The following COL5A1 variants were observed in gnomAD, a reference collection of about 807,000 sequenced individuals.
COL5A1 encodes the protein collagen alpha-1(V) chain.
A neutral mutation model predicts 263.7 loss-of-function variants in COL5A1; 16 were observed. The observed-to-expected ratio is 0.06, with a 90% confidence interval of 0.04 to 0.09. The LOEUF is 0.09. Among genes scored for constraint, COL5A1 ranks in the 10% least tolerant of loss-of-function variants. COL5A1 has a pLI of 1.00. For missense variants in COL5A1, 2,036 were observed against 2,540.5 expected, an observed-to-expected ratio of 0.80 and a Z score of 4.27; for synonymous variants, 1,012 against 1,004.5, an observed-to-expected ratio of 1.01 and a Z score of -0.14.
chr9:134,760,171 GCA>G (rs1338468695), intron 18 of COL5A1, among the ~76,000 whole-genome samples: 5 of 75,676 alleles, frequency 6.6e-5, no homozygotes, highest in African/African-American at 1.5e-4. Flanking sequence ...ACACATACAT[GCA>G]CACACACATA....
intron 32 of COL5A1, among the ~76,000 whole-genome samples, chr9:134,791,939 G>C (rs1394188158): frequency 3.3e-5 from 5 of 152,194 alleles, no homozygotes; most frequent in African/African-American, 9.7e-5. Flanking sequence ...TGATGATGAA[G>C]GACAAGGGTG....
chr9:134,685,007 A>C (rs1193626099), intron 1 of COL5A1, among the ~76,000 whole-genome samples: 42 of 71,422 alleles, frequency 5.9e-4, no homozygotes, highest in Admixed American at 1.0e-3. Flanking sequence ...TCCATCCATT[A>C]ATTGATCCAT....
chr9:134,739,608 C>G (rs1835228156), intron 11 of COL5A1, among the ~76,000 whole-genome samples: 1 of 152,210 alleles, frequency 6.6e-6, no homozygotes, highest in Non-Finnish European at 1.5e-5. Context: ...AGCGCAGTGG[C>G]TAGGGATGCT....
Position 134,684,252 on chromosome 9 carries a change from C to T in COL5A1, c.110-6660C>T, listed in dbSNP as rs372464523. On this transcript the variant is annotated intron_variant, in intron 1 of 65. Transcript: ENST00000371817. The stretch of plus-strand genomic sequence containing the variant: ...ACGACCAGGAACTGATTTAAGTTCC[C>T]GCTAAAAGCAGCCATCTCATTCCAT... 8.9e-4 allele frequency among the ~76,000 whole-genome samples: 135 copies of T among 152,268 alleles called. 1 individual carries two copies. In the East Asian group the frequency reaches 9.5e-3, roughly 11 times the overall value.
chr9:134,756,694 A>G, intron 16 of COL5A1, 71 bp from the exon 17 acceptor site: 1 of 1,527,536 alleles, frequency 6.5e-7, no homozygotes, highest in Non-Finnish European at 9.1e-7. Context: ...GGTTTAACGG[A>G]AAACCATGGC....
chr9:134,739,360 G>C (rs746774899), intron 11 of COL5A1, among the ~76,000 whole-genome samples: 1 of 152,254 alleles, frequency 6.6e-6, no homozygotes, highest in African/African-American at 2.4e-5. Context: ...CCGGCGGGGC[G>C]GGAGTTTTCT....
intron 27 of COL5A1, among the ~76,000 whole-genome samples, chr9:134,776,996 C>T (rs1837077606): frequency 6.6e-6 from 1 of 152,222 alleles, no homozygotes; most frequent in African/African-American, 2.4e-5. Context: ...AGCCCCACCT[C>T]CTAGTTCCAT....
In COL5A1 at chr9:134,686,306, T is replaced by C. The variant is rs1300497915; in HGVS notation, c.110-4606T>C. 2.6e-5 allele frequency among the ~76,000 whole-genome samples: 4 copies of C among 152,014 alleles called. No individual in the cohort carries two copies. Among genetic ancestry groups the C allele is most frequent in the Admixed American group, 1.3e-4 (2 of 15,240 alleles). On this transcript the variant is annotated intron_variant, in intron 1 of 65. Transcript: ENST00000371817. The surrounding 1 kb of genome is among the most constrained non-coding windows in gnomAD (Gnocchi z 4.6). ...TTATGCTCTGTCACCCAAGCTGGAGTGCAGTGACACGATCCTGGCTTACTG... is the reference window on the plus strand; with the variant it reads ...TTATGCTCTGTCACCCAAGCTGGAGCGCAGTGACACGATCCTGGCTTACTG...
At chr9:134,792,320 A>T (rs1837719444) in intron 32 of COL5A1, among the ~76,000 whole-genome samples, 1 of 152,190 alleles carries the variant, frequency 6.6e-6, no homozygotes, top group Non-Finnish European at 1.5e-5. Context: ...GACCATTCCA[A>T]GGGTTGAAGG....
At chr9:134,796,240 G>C in intron 34 of COL5A1, 134 bp from the exon 35 acceptor site, 1 of 952,464 alleles carries the variant, frequency 1.0e-6, no homozygotes, top group Admixed American at 1.7e-5. Flanking sequence ...GCCCCTTACT[G>C]AGGGTCAGGG....
rs1442722067 is a variant in COL5A1 at position 134,821,865 on chromosome 9, G to T, written c.4555-232G>T. On this transcript the variant is annotated intron_variant, in intron 58 of 65. Coordinates refer to ENST00000371817, the MANE Select transcript of COL5A1 (RefSeq NM_000093.5). The surrounding 1 kb of genome is among the most constrained non-coding windows in gnomAD (Gnocchi z 4.2). ...AGAGTGAGTTCCTGGCAGCCCAGCC[G>T]GGGGAGCAGTGCCGAGGGCTGGCAG... is the stretch of plus-strand genomic sequence containing the variant. 6.6e-6 allele frequency among the ~76,000 whole-genome samples: 1 copy of T among 152,244 alleles called. No homozygotes were observed. The highest frequency in any genetic ancestry group is 1.5e-5 in the Non-Finnish European group (1 of 68,042).
intron 9 of COL5A1, among the ~76,000 whole-genome samples, chr9:134,738,217 G>C (rs556480176): frequency 2.8e-4 from 42 of 152,296 alleles, no homozygotes; most frequent in Non-Finnish European, 5.7e-4. Flanking sequence ...TGCTTCTCGT[G>C]GCGCTGGTCT....
rs41302968 is a variant in COL5A1 at position 134,768,268 on chromosome 9, G to C, written c.2233-142G>C. 0.16 allele frequency: 128,423 copies of C among 812,540 alleles called. 11,218 individuals carry two copies. The highest frequency in any genetic ancestry group is 0.18 in the Non-Finnish European group (83,556 of 457,596). The allele number at this position is 812,540 out of a possible 1,614,324, so 50.3% of individuals were successfully genotyped here. A position where few individuals can be genotyped will look rare whatever the true frequency, so the allele number is the denominator to read the frequency against. ...CGCTACCGTGGCTGCACGCCTCACAGCCAGGGACCCAGTGCCTCTGACCAC... is the reference window on the plus strand; with the variant it reads ...CGCTACCGTGGCTGCACGCCTCACACCCAGGGACCCAGTGCCTCTGACCAC... On this transcript the variant is annotated intron_variant, in intron 24 of 65. Transcript: ENST00000371817.
intron 1 of COL5A1, among the ~76,000 whole-genome samples, chr9:134,685,278 C>CCAT (rs1832998386): frequency 6.6e-6 from 1 of 151,142 alleles, no homozygotes; most frequent in African/African-American, 2.4e-5. Context: ...AGTCATCCAT[C>CCAT]CATCCATCCA....
At chr9:134,713,614 ACAAGCG>A (rs1346744514) in intron 4 of COL5A1, among the ~76,000 whole-genome samples, 2 of 152,254 alleles carry the variant, frequency 1.3e-5, no homozygotes, top group Admixed American at 6.5e-5. Flanking sequence ...AATCAATTGT[ACAAGCG>A]CAGGGCCAGG....
At chr9:134,759,435 A>ACACACC (rs1237437921) in intron 18 of COL5A1, among the ~76,000 whole-genome samples, 1 of 119,316 alleles carries the variant, frequency 8.4e-6, no homozygotes, top group Non-Finnish European at 1.6e-5. Context: ...ACACACATGC[A>ACACACC]CACACCCACA....
intron 27 of COL5A1, among the ~76,000 whole-genome samples, chr9:134,775,485 C>T (rs752320799): frequency 1.3e-5 from 2 of 152,220 alleles, no homozygotes; most frequent in Non-Finnish European, 2.9e-5. Context: ...CTGACAACCT[C>T]GTTACATGGG....
chr9:134,727,238 T>C (rs757487313), intron 4 of COL5A1, 28 bp from the exon 5 acceptor site: 46 of 1,611,932 alleles, frequency 2.9e-5, no homozygotes, highest in Non-Finnish European at 3.7e-5. Flanking sequence ...TGTGAGCTGC[T>C]TTTTCATGAG....
At chr9:134,752,361 G>C (rs1459448455) in intron 13 of COL5A1, among the ~76,000 whole-genome samples, 1 of 151,844 alleles carries the variant, frequency 6.6e-6, no homozygotes, top group African/African-American at 2.4e-5. Flanking sequence ...GGGCCCACTG[G>C]CTTGCACCTC....
Sources: gnomAD v4.1 joint callset for allele counts (sites outside exome capture counted in the v4.1 genomes callset) on GRCh38, gnomAD v4.1.1 for gene constraint, Gnocchi (gnomAD v3.1) non-coding constraint, MANE v1.5 for transcripts, NCBI Gene and HGNC (gene_info 2026-07-23, HGNC 2026-07-21) for gene names.